PTPRM: variants seen among roughly 807,000 people sequenced by gnomAD.
PTPRM encodes the protein receptor-type tyrosine-protein phosphatase mu.
In PTPRM, 47 loss-of-function variants were observed where a neutral mutation model predicts 186.7. The observed-to-expected ratio is 0.25, with a 90% confidence interval of 0.20 to 0.32. The LOEUF is 0.32. Ranked by LOEUF, PTPRM falls within the 10% of genes least tolerant of loss-of-function variation. The pLI is 1.00. For synonymous variants in PTPRM, 668 were observed against 674.9 expected (o/e 0.99, Z 0.16); for missense variants, 1,494 against 1,865.0 (o/e 0.80, Z 3.66).
At chr18:7,929,036 TG>T (rs781742868) in intron 5 of PTPRM, among the ~76,000 whole-genome samples, 7 of 152,198 alleles carry the variant, frequency 4.6e-5, no homozygotes, top group Non-Finnish European at 7.3e-5. Flanking sequence ...TGTTTTGGTT[TG>T]TTTTTTTTCA....
At chr18:7,899,143 A>G (rs866683125) in intron 3 of PTPRM, among the ~76,000 whole-genome samples, 19 of 152,330 alleles carry the variant, frequency 1.2e-4, no homozygotes, top group African/African-American at 4.6e-4. Flanking sequence ...CTGAAGCACT[A>G]TATTTGGGTT....
At chr18:7,821,732 T>A (rs1436534682) in intron 2 of PTPRM, among the ~76,000 whole-genome samples, 2 of 152,192 alleles carry the variant, frequency 1.3e-5, no homozygotes, top group Non-Finnish European at 2.9e-5. Context: ...ACACAAACAC[T>A]GCAATACCCC....
chr18:7,567,869 T>G lies in PTPRM; in HGVS notation c.51T>G (p.Thr17=). The change falls in exon 1 of 33, where the codon ACT becomes ACG. Residue 17 remains threonine (T), a synonymous_variant. Coordinates refer to ENST00000580170, the MANE Select transcript of PTPRM (RefSeq NM_001105244.2). The surrounding 1 kb of genome is among the most constrained non-coding windows in gnomAD (Gnocchi z 4.3). The stretch of plus-strand genomic sequence containing the variant: ...CGACTTTGGCCGGACTTTTGCTAAC[T>G]GCGGCGGGCGAGACGTTCTCAGGTA... ...CLATLAGLLL[T]AAGETFSGGC... The G allele has an allele frequency of 6.4e-7, 1 of 1,561,472 alleles. No homozygotes were observed. Among genetic ancestry groups the G allele is most frequent in the Non-Finnish European group, 8.6e-7 (1 of 1,157,830 alleles).
chr18:7,842,581 T>C (rs2046376879), intron 2 of PTPRM, among the ~76,000 whole-genome samples: 1 of 151,990 alleles, frequency 6.6e-6, no homozygotes, highest in Non-Finnish European at 1.5e-5. Flanking sequence ...GTAAAGCAAA[T>C]TACCCACCAT....
intron 2 of PTPRM, among the ~76,000 whole-genome samples, chr18:7,825,763 A>G (rs920889309): frequency 3.3e-5 from 5 of 152,108 alleles, no homozygotes; most frequent in South Asian, 2.1e-4. Context: ...TTATTCATTC[A>G]TGAAATATAT....
At chr18:7,629,150 A>T (rs1421066165) in intron 1 of PTPRM, among the ~76,000 whole-genome samples, 2 of 152,208 alleles carry the variant, frequency 1.3e-5, no homozygotes, top group East Asian at 3.8e-4. Context: ...ATCATGTCAT[A>T]TGAGGGCAAT....
chr18:8,132,785 C>T (rs1466548306), intron 13 of PTPRM, among the ~76,000 whole-genome samples: 4 of 152,134 alleles, frequency 2.6e-5, no homozygotes, highest in Admixed American at 2.6e-4. Flanking sequence ...TATTTCACAG[C>T]GTTGAGTGCT....
At chr18:8,036,197 A>G (rs1487485604) in intron 7 of PTPRM, among the ~76,000 whole-genome samples, 7 of 152,172 alleles carry the variant, frequency 4.6e-5, no homozygotes, top group South Asian at 2.1e-4. Flanking sequence ...GATAAAAATT[A>G]TTGTGTTTGG....
At chr18:7,673,818 C>T (rs113923448) in intron 1 of PTPRM, among the ~76,000 whole-genome samples, 23 of 152,274 alleles carry the variant, frequency 1.5e-4, no homozygotes, top group South Asian at 2.1e-4. Context: ...TGCTGCTGAG[C>T]GGTCAAGGAC....
At chr18:7,913,556 A>G (rs1415350792) in intron 4 of PTPRM, among the ~76,000 whole-genome samples, 3 of 152,084 alleles carry the variant, frequency 2.0e-5, no homozygotes, top group African/African-American at 7.2e-5. Flanking sequence ...GTTTTAGCAA[A>G]TCCTTTTTCT....
At chr18:8,328,058 G>T (rs1479924052) in intron 22 of PTPRM, among the ~76,000 whole-genome samples, 4 of 152,170 alleles carry the variant, frequency 2.6e-5, no homozygotes, top group Non-Finnish European at 4.4e-5. Flanking sequence ...TTGTTGTAGT[G>T]CCTTCATTCT....
chr18:7,868,335 C>T (rs1279804256), intron 2 of PTPRM, among the ~76,000 whole-genome samples: 1 of 152,088 alleles, frequency 6.6e-6, no homozygotes, highest in Non-Finnish European at 1.5e-5. Flanking sequence ...GTTGGTTTAT[C>T]TACCTTTGGT....
chr18:7,743,020 G>T (rs921177686), intron 1 of PTPRM, among the ~76,000 whole-genome samples: 3 of 152,130 alleles, frequency 2.0e-5, no homozygotes, highest in African/African-American at 7.2e-5. Context: ...CCTGTCTGAC[G>T]GATGAGAAAG....
intron 14 of PTPRM, among the ~76,000 whole-genome samples, chr18:8,156,510 G>A (rs911862013): frequency 6.6e-6 from 1 of 152,144 alleles, no homozygotes; most frequent in African/African-American, 2.4e-5. Context: ...GATGGTATAT[G>A]TACATAGTTG....
intron 13 of PTPRM, among the ~76,000 whole-genome samples, chr18:8,117,513 T>G (rs574680380): frequency 2.6e-5 from 4 of 152,326 alleles, no homozygotes; most frequent in Admixed American, 2.0e-4. Context: ...ATTTATAAAT[T>G]TAATGCAGTG....
intron 19 of PTPRM, among the ~76,000 whole-genome samples, chr18:8,279,905 G>A (rs2094881936): frequency 6.6e-6 from 1 of 152,200 alleles, no homozygotes; most frequent in African/African-American, 2.4e-5. Context: ...TTTCTAGATA[G>A]TGCCACTGGC....
intron 1 of PTPRM, among the ~76,000 whole-genome samples, chr18:7,716,560 C>T (rs8092766): frequency 7.2e-5 from 11 of 152,008 alleles, no homozygotes; most frequent in South Asian, 2.1e-4. Context: ...CTCCAGAATG[C>T]GAGAAAATTT....
intron 13 of PTPRM, among the ~76,000 whole-genome samples, chr18:8,135,222 G>T (rs755990534): frequency 1.3e-5 from 2 of 152,120 alleles, no homozygotes; most frequent in Admixed American, 6.5e-5. Flanking sequence ...CACCACGTTT[G>T]CCTCTTCATT....
intron 2 of PTPRM, among the ~76,000 whole-genome samples, chr18:7,777,313 G>A (rs2042635225): frequency 6.6e-6 from 1 of 152,086 alleles, no homozygotes; most frequent in African/African-American, 2.4e-5. Flanking sequence ...AGCTAAGAGT[G>A]GTTGTTACAT....
Sources: allele counts gnomAD v4.1 joint callset (sites outside exome capture counted in the v4.1 genomes callset), GRCh38; gene constraint gnomAD v4.1.1; non-coding constraint Gnocchi (gnomAD v3.1); transcripts MANE v1.5; gene names NCBI Gene and HGNC (gene_info 2026-07-23, HGNC 2026-07-21).